FAM81B: variants seen among roughly 807,000 people sequenced by gnomAD.
FAM81B encodes the protein protein FAM81B.
In FAM81B, 60 loss-of-function variants were observed where a neutral mutation model predicts 58.7. The observed-to-expected ratio is 1.02, with a 90% CI of 0.83 to 1.27. The LOEUF (loss-of-function observed/expected upper bound fraction) is 1.27, where lower values mean the gene tolerates loss of function less well. Among genes scored for constraint, FAM81B ranks in the 50% most tolerant of loss-of-function variants. The pLI, the probability that FAM81B is intolerant of heterozygous loss-of-function variation, is 0.00. For synonymous variants in FAM81B, 189 were observed against 179.6 expected (o/e 1.05, Z -0.42); for missense variants, 491 against 522.0 (o/e 0.94, Z 0.58).
At chr5:95,446,824 T>A (rs1227807697) in intron 8 of FAM81B, 127 bp downstream of exon 8, 125 of 1,109,190 alleles carry the variant, frequency 1.1e-4, no homozygotes, top group Non-Finnish European at 1.5e-4. Context: ...TTTTTTTTTT[T>A]AAACACCACA....
At chr5:95,420,429 T>C in intron 5 of FAM81B, 27 bp downstream of exon 5, 1 of 1,611,698 alleles carries the variant, frequency 6.2e-7, no homozygotes, top group Non-Finnish European at 8.5e-7. Context: ...TGACTAATGT[T>C]TAACAGTGAA....
intron 5 of FAM81B, among the ~76,000 whole-genome samples, chr5:95,426,069 TTA>T (rs1425272590): frequency 4.9e-5 from 7 of 143,950 alleles, no homozygotes; most frequent in African/African-American, 1.8e-4. Context: ...GTATTCTAAA[TTA>T]TGTTTTCTTC....
intron 4 of FAM81B, among the ~76,000 whole-genome samples, chr5:95,416,549 A>C (rs1322281870): frequency 6.6e-6 from 1 of 152,198 alleles, no homozygotes; most frequent in Admixed American, 6.5e-5. Context: ...AAAGTTTAGG[A>C]AAAAAATGTT....
intron 5 of FAM81B, among the ~76,000 whole-genome samples, chr5:95,421,552 C>G (rs1762684777): frequency 6.6e-6 from 1 of 151,332 alleles, no homozygotes; most frequent in Admixed American, 6.6e-5. Flanking sequence ...GATGAGGGGT[C>G]TTGTAGGCTA....
At chr5:95,425,574 T>A (rs1762802290) in intron 5 of FAM81B, among the ~76,000 whole-genome samples, 1 of 152,146 alleles carries the variant, frequency 6.6e-6, no homozygotes, top group Non-Finnish European at 1.5e-5. Context: ...GCTTTTAAAA[T>A]CTGGATGACA....
chr5:95,440,539 C>T, intron 7 of FAM81B: 1 of 568,618 alleles, frequency 1.8e-6, no homozygotes, highest in Non-Finnish European at 3.3e-6. Context: ...GCAGGAGATG[C>T]AGTTCTTAAT....
intron 7 of FAM81B, among the ~76,000 whole-genome samples, chr5:95,437,269 A>G (rs547465962): frequency 2.8e-4 from 42 of 152,228 alleles, no homozygotes; most frequent in Non-Finnish European, 3.5e-4. Flanking sequence ...TTTAAAAACA[A>G]TTTTGATACA....
At chr5:95,412,009 A>G (rs2152763153) in intron 3 of FAM81B, among the ~76,000 whole-genome samples, 1 of 152,348 alleles carries the variant, frequency 6.6e-6, no homozygotes, top group Non-Finnish European at 1.5e-5. Context: ...AGTGGGAAAG[A>G]ACTAGAAAGA....
intron 5 of FAM81B, among the ~76,000 whole-genome samples, chr5:95,426,809 G>A (rs1181575899): frequency 6.6e-6 from 1 of 152,208 alleles, no homozygotes; most frequent in Non-Finnish European, 1.5e-5. Flanking sequence ...AGCACTTTGG[G>A]AGGCTGAGGC....
intron 2 of FAM81B, among the ~76,000 whole-genome samples, chr5:95,393,650 C>T (rs1490801951): frequency 6.6e-6 from 1 of 152,114 alleles, no homozygotes; most frequent in Non-Finnish European, 1.5e-5. Flanking sequence ...AAGCTCCTCA[C>T]CTATAAAAAA....
At chr5:95,395,946 T>C (rs1761954052) in intron 2 of FAM81B, among the ~76,000 whole-genome samples, 165 bp from the exon 3 acceptor site, 1 of 152,236 alleles carries the variant, frequency 6.6e-6, no homozygotes, top group Non-Finnish European at 1.5e-5. Context: ...ATTTTGTTTT[T>C]AGTCATTAGC....
At chr5:95,401,734 G>T (rs1283103229) in intron 3 of FAM81B, among the ~76,000 whole-genome samples, 1 of 152,114 alleles carries the variant, frequency 6.6e-6, no homozygotes, top group African/African-American at 2.4e-5. Context: ...GAGTATTACA[G>T]GTTGCCAAAA....
At chr5:95,446,177 G>A (rs1307038649) in intron 7 of FAM81B, among the ~76,000 whole-genome samples, 4 of 152,164 alleles carry the variant, frequency 2.6e-5, no homozygotes, top group Non-Finnish European at 4.4e-5. Flanking sequence ...CCTAGCATGA[G>A]TAATAATCCC....
intron 7 of FAM81B, among the ~76,000 whole-genome samples, chr5:95,445,500 A>G (rs1397085306): frequency 1.3e-5 from 2 of 152,144 alleles, no homozygotes; most frequent in Non-Finnish European, 1.5e-5. Context: ...GCCACTCTAC[A>G]GTGACTTCTC....
At chr5:95,423,826 T>G (rs1762751857) in intron 5 of FAM81B, among the ~76,000 whole-genome samples, 1 of 152,184 alleles carries the variant, frequency 6.6e-6, no homozygotes, top group Admixed American at 6.5e-5. Flanking sequence ...ACATTTGGAC[T>G]GATACAGTCC....
rs1745483903 is a variant in FAM81B, at chr5:95,444,543, G to A, written c.894-2019G>A. Among the ~76,000 whole-genome samples, 3 of 152,240 alleles carry A rather than the reference G, an allele frequency of 2.0e-5. No homozygotes were observed. In the South Asian group the frequency reaches 6.2e-4, roughly 32 times the overall value. Reference sequence around the variant, plus strand: ...GAGGGAGTCTACGTATCCAGTGGGTGGGCTTATTTGTCTGAGATCCAACAG... The same window carrying A: ...GAGGGAGTCTACGTATCCAGTGGGTAGGCTTATTTGTCTGAGATCCAACAG... On this transcript the variant is annotated intron_variant, in intron 7 of 9. Coordinates refer to ENST00000283357, the MANE Select transcript of FAM81B (RefSeq NM_152548.3).
rs76195049 is a variant in FAM81B at position 95,408,784 on chromosome 5, T to C, written c.294-5163T>C. On this transcript the variant is annotated intron_variant, in intron 3 of 9. Transcript: ENST00000283357. The stretch of plus-strand genomic sequence containing the variant: ...AAAGTGCTAGCCACAAGGTCTGGCT[T>C]GTATTAAATGCTCAAAGATACTAGC... 4.5e-3 allele frequency among the ~76,000 whole-genome samples: 690 copies of C among 152,338 alleles called. 5 individuals carry two copies. The highest frequency in any genetic ancestry group is 0.016 in the African/African-American group (659 of 41,568).
At position 95,428,697 on chromosome 5, in the gene FAM81B, G is replaced by A. The variant is rs770077907; in HGVS notation, c.751G>A (p.Ala251Thr). The change falls in exon 6 of 10, where the codon GCC becomes ACC. Residue 251 changes from alanine (A) to threonine (T), a missense_variant. Coordinates refer to ENST00000283357, the MANE Select transcript of FAM81B (RefSeq NM_152548.3). ...IEKAIQEFVP[A>T]LETLSKNLDM... ...GAAAGCCATTCAAGAATTCGTGCCCGCCCTGGAAACTCTTTCCAAGAACTT... is the reference window on the plus strand; with the variant it reads ...GAAAGCCATTCAAGAATTCGTGCCCACCCTGGAAACTCTTTCCAAGAACTT... 1.5e-5 allele frequency: 24 copies of A among 1,613,786 alleles called. No homozygotes were observed. Among genetic ancestry groups the A allele is most frequent in the Middle Eastern group, 1.6e-4 (1 of 6,084 alleles).
At chr5:95,434,381 C>A (rs1745020056) in intron 6 of FAM81B, among the ~76,000 whole-genome samples, 1 of 152,180 alleles carries the variant, frequency 6.6e-6, no homozygotes, top group African/African-American at 2.4e-5. Flanking sequence ...TGGCCTTTCT[C>A]CAGCAACAGC....
Sources: allele counts gnomAD v4.1 joint callset (sites outside exome capture counted in the v4.1 genomes callset), GRCh38; gene constraint gnomAD v4.1.1; transcripts MANE v1.5; gene names NCBI Gene and HGNC (gene_info 2026-07-23, HGNC 2026-07-21).